Variants in FAM135B observed in about 807,000 individuals in gnomAD.
FAM135B encodes the protein family with sequence similarity 135 member B.
A neutral mutation model predicts 127.7 loss-of-function variants in FAM135B; 43 were observed. That is an observed-to-expected ratio of 0.34 (90% CI 0.26 to 0.43). The LOEUF (loss-of-function observed/expected upper bound fraction) is 0.43, where lower values mean the gene tolerates loss of function less well. FAM135B is among the 20% of genes least tolerant of loss of function. FAM135B has a pLI of 1.00. For synonymous variants in FAM135B, 670 were observed against 665.1 expected (o/e 1.01, Z -0.11); for missense variants, 1,558 against 1,725.6 (o/e 0.90, Z 1.72).
chr8:138,373,209 T>G (rs1226724653), intron 1 of FAM135B, among the ~76,000 whole-genome samples: 1 of 152,114 alleles, frequency 6.6e-6, no homozygotes, highest in Non-Finnish European at 1.5e-5. Context: ...GGACCCCAAA[T>G]GGAGGGACCG....
chr8:138,361,594 G>T (rs186522037), intron 2 of FAM135B, among the ~76,000 whole-genome samples: 1 of 152,068 alleles, frequency 6.6e-6, no homozygotes, highest in Non-Finnish European at 1.5e-5. Flanking sequence ...TTCCTCTTCC[G>T]CAGTCTAGAA....
At chr8:138,386,900 G>A (rs1270558340) in intron 1 of FAM135B, among the ~76,000 whole-genome samples, 17 of 152,180 alleles carry the variant, frequency 1.1e-4, no homozygotes, top group Non-Finnish European at 2.2e-4. Flanking sequence ...GAAGTATGAC[G>A]AGATAATGAT....
At chr8:138,414,115 A>AATATAT (rs1203347529) in intron 1 of FAM135B, among the ~76,000 whole-genome samples, 2 of 83,250 alleles carry the variant, frequency 2.4e-5, no homozygotes, top group African/African-American at 1.1e-4. Context: ...TTCACACACA[A>AATATAT]ATACATATAT....
chr8:138,377,249 A>C (rs111756502), intron 1 of FAM135B, among the ~76,000 whole-genome samples: 2,459 of 152,336 alleles, frequency 0.016, 62 homozygotes, highest in African/African-American at 0.056. Context: ...TACTGTTCTC[A>C]AACGATTGTG....
chr8:138,283,611 T>C (rs757969846), intron 3 of FAM135B, among the ~76,000 whole-genome samples: 6 of 152,066 alleles, frequency 3.9e-5, no homozygotes, highest in Non-Finnish European at 7.4e-5. Flanking sequence ...ACTTGGGACT[T>C]TGGGTGATAA....
At chr8:138,340,787 C>G (rs1367997813) in intron 2 of FAM135B, among the ~76,000 whole-genome samples, 1 of 152,186 alleles carries the variant, frequency 6.6e-6, no homozygotes, top group Non-Finnish European at 1.5e-5. Flanking sequence ...TCAACTCTCT[C>G]TGTGCCTCGT....
chr8:138,164,447 G>T (rs946515270), intron 12 of FAM135B, among the ~76,000 whole-genome samples: 1 of 152,132 alleles, frequency 6.6e-6, no homozygotes, highest in Non-Finnish European at 1.5e-5. Context: ...ATATGACATT[G>T]TGAAAGGAAA....
chr8:138,137,186 T>C lies in FAM135B; in HGVS notation c.3976A>G (p.Ile1326Val). 6 of 1,610,278 alleles carry C rather than the reference T, an allele frequency of 3.7e-6. No individual in the cohort carries two copies. The highest frequency in any genetic ancestry group is 5.1e-6 in the Non-Finnish European group (6 of 1,176,450). ...DRYVPFHSARIEMCKTALKDR... is the reference protein window; with the variant it reads ...DRYVPFHSARVEMCKTALKDR... ...TTGAGGGCAGTTTTACACATTTCAA[T>C]CCTGGCTGAATGAAATGGCACATAA... Residue 1326 changes from isoleucine (I) to valine (V), a missense_variant, in exon 19 of 20, where the codon ATT (isoleucine) becomes GTT (valine). Transcript: ENST00000395297.
At chr8:138,322,976 C>A (rs1827553281) in intron 2 of FAM135B, among the ~76,000 whole-genome samples, 1 of 152,240 alleles carries the variant, frequency 6.6e-6, no homozygotes, top group African/African-American at 2.4e-5. Context: ...TTTTACTACA[C>A]AGTATGCACT....
intron 7 of FAM135B, among the ~76,000 whole-genome samples, chr8:138,214,680 C>G (rs1818411640): frequency 6.6e-6 from 1 of 151,932 alleles, no homozygotes; most frequent in Admixed American, 6.6e-5. Context: ...TTCCAGGCAC[C>G]TAGATAAGGA....
intron 1 of FAM135B, among the ~76,000 whole-genome samples, chr8:138,394,834 C>A (rs929962913): frequency 2.6e-5 from 4 of 152,062 alleles, no homozygotes; most frequent in African/African-American, 9.7e-5. Context: ...CTGAGCTGTC[C>A]GTGTAAGCAG....
chr8:138,263,035 T>C (rs1159258374), intron 4 of FAM135B, among the ~76,000 whole-genome samples: 1 of 151,564 alleles, frequency 6.6e-6, no homozygotes, highest in Non-Finnish European at 1.5e-5. Context: ...GAAAGCTACA[T>C]GGAGTGTGTC....
intron 12 of FAM135B, among the ~76,000 whole-genome samples, chr8:138,157,531 T>C (rs1818883883): frequency 6.6e-6 from 1 of 152,058 alleles, no homozygotes; most frequent in Non-Finnish European, 1.5e-5. Context: ...ATGACATGAT[T>C]GTATATTTAG....
intron 2 of FAM135B, among the ~76,000 whole-genome samples, chr8:138,356,182 C>T (rs997220500): frequency 9.9e-5 from 15 of 151,922 alleles, no homozygotes; most frequent in Admixed American, 9.2e-4. Flanking sequence ...TTGCAAATTA[C>T]CCAGTTTCAG....
chr8:138,150,022 C>T (rs1354282059), intron 13 of FAM135B, among the ~76,000 whole-genome samples: 1 of 152,160 alleles, frequency 6.6e-6, no homozygotes. Context: ...CAATGTTTAC[C>T]TGCCTGTGGC....
intron 3 of FAM135B, among the ~76,000 whole-genome samples, chr8:138,279,078 G>T (rs185386397): frequency 1.6e-4 from 25 of 152,124 alleles, no homozygotes; most frequent in Non-Finnish European, 3.2e-4. Context: ...TGACCAATCC[G>T]TAAATCTTTT....
Position 138,206,294 on chromosome 8 carries a change from T to TATCATTCCCTCCACCTACCCAGGGCTCC in FAM135B, c.670-8626_670-8625insGGAGCCCTGGGTAGGTGGAGGGAATGAT, listed in dbSNP as rs1817577271. 4.6e-5 allele frequency among the ~76,000 whole-genome samples: 5 copies of TATCATTCCCTCCACCTACCCAGGGCTCC among 109,344 alleles called. 1 individual carries two copies. The highest frequency in any genetic ancestry group is 1.8e-4 in the African/African-American group (5 of 27,438). The allele number at this position is 109,344 out of a possible 152,430, so 71.7% of individuals were successfully genotyped here. On this transcript the variant is annotated intron_variant, in intron 7 of 19. Transcript: ENST00000395297. Reference sequence around the variant, plus strand: ...CATCCCCTCCACCTACGCACAGCTCTATCATCCCCTCCACCTACCCACAGC... The same window carrying TATCATTCCCTCCACCTACCCAGGGCTCC: ...CATCCCCTCCACCTACGCACAGCTCTATCATTCCCTCCACCTACCCAGGGCTCCATCATCCCCTCCACCTACCCACAGC...
At chr8:138,454,145 C>T (rs775577616) in intron 1 of FAM135B, among the ~76,000 whole-genome samples, 10 of 151,968 alleles carry the variant, frequency 6.6e-5, no homozygotes, top group Middle Eastern at 3.4e-3. Flanking sequence ...CTTTTAAGTC[C>T]ACTGCTTTTA....
chr8:138,151,921 C>T lies in FAM135B; in HGVS notation c.2554G>A (p.Gly852Arg). The T allele has an allele frequency of 1.2e-6, 2 of 1,614,208 alleles. No homozygotes were observed. The highest frequency in any genetic ancestry group is 1.7e-6 in the Non-Finnish European group (2 of 1,180,042). The change falls in exon 13 of 20, where the codon GGG (glycine) becomes AGG (arginine). Residue 852 changes from glycine to arginine, a missense_variant. Gly to Arg is a moderately radical substitution (Grantham distance 125). Coordinates refer to ENST00000395297, the MANE Select transcript of FAM135B (RefSeq NM_015912.4). ...TGTCCTTGAGCATCAAACTGCTTCCCTTTCCCTTTGGGGATGTCTATGTAT... is the reference window on the plus strand; with the variant it reads ...TGTCCTTGAGCATCAAACTGCTTCCTTTTCCCTTTGGGGATGTCTATGTAT... The part of the protein sequence containing the change: ...PGYIDIPKGK[G>R]KQFDAQGHCL...
Sources: allele counts gnomAD v4.1 joint callset (sites outside exome capture counted in the v4.1 genomes callset), GRCh38; gene constraint gnomAD v4.1.1; transcripts MANE v1.5; gene names NCBI Gene and HGNC (gene_info 2026-07-23, HGNC 2026-07-21).